LINGO2: variants seen among roughly 807,000 people sequenced by gnomAD.
The protein encoded by LINGO2 is leucine rich repeat and Ig domain containing 2.
A neutral mutation model predicts 30.6 loss-of-function variants in LINGO2; 14 were observed. The ratio of observed to expected loss-of-function variants is 0.46; its 90% CI spans 0.30 to 0.72. The LOEUF (loss-of-function observed/expected upper bound fraction) is 0.72. Ranked by LOEUF, LINGO2 falls within the 30% of genes least tolerant of loss-of-function variation. The probability of loss-of-function intolerance (pLI) is 0.07; values close to 1 mark genes in which losing one functional copy is unlikely to be tolerated. For missense variants in LINGO2, 729 were observed against 751.7 expected (o/e 0.97, Z 0.35); for synonymous variants, 317 against 288.5 (o/e 1.10, Z -1.00).
downstream of LINGO2, chr9:27,943,135 C>T (rs2118145985): frequency 6.6e-6 from 1 of 152,188 alleles, no homozygotes; most frequent in South Asian, 2.1e-4. Flanking sequence ...GTTGATTTTA[C>T]TCAATATATT....
chr9:28,037,605 A>T (rs1245203468), intron 4 of LINGO2, among the ~76,000 whole-genome samples: 1 of 152,048 alleles, frequency 6.6e-6, no homozygotes, highest in South Asian at 2.1e-4. Context: ...TAGTTATTTT[A>T]TCCGCAGCGC....
the LINGO2 span, among the ~76,000 whole-genome samples, chr9:29,081,916 A>G: frequency 2.0e-5 from 3 of 152,038 alleles, no homozygotes; most frequent in African/African-American, 7.2e-5. Flanking sequence ...CCACTGCTCA[A>G]TGAAATAAAA....
intron 4 of LINGO2, among the ~76,000 whole-genome samples, chr9:28,107,376 T>G (rs1466766963): frequency 6.6e-6 from 1 of 152,176 alleles, no homozygotes; most frequent in Non-Finnish European, 1.5e-5. Context: ...GTATTGCCAT[T>G]TGAAATTTCA....
chr9:28,631,281 G>T (rs1164041944), intron 1 of LINGO2, among the ~76,000 whole-genome samples: 6 of 151,690 alleles, frequency 4.0e-5, no homozygotes, highest in Non-Finnish European at 8.8e-5. Context: ...TTTACATTAG[G>T]TATATCCCCC....
the LINGO2 span, among the ~76,000 whole-genome samples, chr9:29,077,214 T>C: frequency 6.6e-6 from 1 of 151,992 alleles, no homozygotes; most frequent in Admixed American, 6.6e-5. Flanking sequence ...GGCATTAAGG[T>C]TTCTTAGATA....
upstream of LINGO2, among the ~76,000 whole-genome samples, chr9:28,673,688 C>T (rs1008981325): frequency 4.6e-5 from 7 of 151,620 alleles, no homozygotes; most frequent in Non-Finnish European, 1.0e-4. Context: ...TCATCATCAT[C>T]ATCATCATCA....
intron 4 of LINGO2, among the ~76,000 whole-genome samples, chr9:28,273,194 C>T (rs927992497): frequency 5.3e-5 from 8 of 152,278 alleles, no homozygotes; most frequent in East Asian, 1.9e-4. Flanking sequence ...GCTGACCACA[C>T]GGCCCCTTGT....
chr9:28,389,820 T>C (rs888456514), intron 2 of LINGO2, among the ~76,000 whole-genome samples: 12 of 152,230 alleles, frequency 7.9e-5, no homozygotes, highest in Admixed American at 7.9e-4. Context: ...ATATTTTTAC[T>C]TTGAATTACC....
chr9:28,710,820 C>T, the LINGO2 span, among the ~76,000 whole-genome samples: 2 of 151,832 alleles, frequency 1.3e-5, no homozygotes, highest in Admixed American at 1.3e-4. Flanking sequence ...AAATATCTTC[C>T]AAGGGAAATA....
intron 1 of LINGO2, among the ~76,000 whole-genome samples, chr9:28,518,971 A>T (rs116168663): frequency 6.6e-6 from 1 of 152,172 alleles, no homozygotes; most frequent in East Asian, 1.9e-4. Context: ...TCCTATAAAT[A>T]CTTGCCTTTT....
At chr9:28,102,973 A>G (rs542350680) in intron 4 of LINGO2, among the ~76,000 whole-genome samples, 12 of 152,282 alleles carry the variant, frequency 7.9e-5, no homozygotes, top group Middle Eastern at 6.8e-3. Flanking sequence ...CCAGGCTGGT[A>G]TGTTAACTCT....
At chr9:28,813,906 C>T in the LINGO2 span, among the ~76,000 whole-genome samples, 6 of 152,160 alleles carry the variant, frequency 3.9e-5, no homozygotes, top group Middle Eastern at 3.4e-3. Flanking sequence ...TGTACAAGAA[C>T]CTGAAAGGTC....
At chr9:28,940,685 G>A in the LINGO2 span, among the ~76,000 whole-genome samples, 2 of 152,060 alleles carry the variant, frequency 1.3e-5, no homozygotes, top group Non-Finnish European at 2.9e-5. Context: ...AAATAGAAAT[G>A]GAGAAGGTAG....
the LINGO2 span, among the ~76,000 whole-genome samples, chr9:29,183,054 A>C: frequency 2.0e-5 from 3 of 152,228 alleles, no homozygotes; most frequent in Admixed American, 6.5e-5. Flanking sequence ...AGCAAATGAC[A>C]AACAATAAAC....
At chr9:29,109,981 T>C in the LINGO2 span, among the ~76,000 whole-genome samples, 1 of 152,160 alleles carries the variant, frequency 6.6e-6, no homozygotes, top group Non-Finnish European at 1.5e-5. Flanking sequence ...AGAAGATACT[T>C]CCTATCAGTT....
intron 4 of LINGO2, among the ~76,000 whole-genome samples, chr9:28,133,900 G>T (rs1046606038): frequency 2.6e-5 from 4 of 152,058 alleles, no homozygotes; most frequent in African/African-American, 7.2e-5. Context: ...CTTCAGTCCA[G>T]ATTTGGCATT....
chr9:29,125,200 A>G, the LINGO2 span, among the ~76,000 whole-genome samples: 1 of 152,144 alleles, frequency 6.6e-6, no homozygotes, highest in Non-Finnish European at 1.5e-5. Flanking sequence ...CATAAGTCGG[A>G]GCTGAACAGT....
the LINGO2 span, among the ~76,000 whole-genome samples, chr9:29,191,880 CAT>C: frequency 6.6e-6 from 1 of 151,872 alleles, no homozygotes; most frequent in African/African-American, 2.4e-5. Context: ...CGAACCTGAT[CAT>C]ATCTCTTTTC....
the LINGO2 span, among the ~76,000 whole-genome samples, chr9:28,700,258 A>G: frequency 5.3e-5 from 8 of 152,118 alleles, no homozygotes; most frequent in South Asian, 1.7e-3. Context: ...ACATTGAAAT[A>G]CTGGGGGCAG....
Sources: allele counts gnomAD v4.1 joint callset (sites outside exome capture counted in the v4.1 genomes callset), GRCh38; gene constraint gnomAD v4.1.1; transcripts MANE v1.5; gene names NCBI Gene and HGNC (gene_info 2026-07-23, HGNC 2026-07-21).